Variants in TRABD observed in about 807,000 individuals in gnomAD.
TRABD encodes traB domain-containing protein.
Under a neutral mutation model 39.6 loss-of-function variants are expected in TRABD, and 23 were observed. The observed-to-expected ratio is 0.58, with a 90% CI of 0.42 to 0.82. The LOEUF (loss-of-function observed/expected upper bound fraction) is 0.82, where lower values mean the gene tolerates loss of function less well. Ranked by LOEUF, TRABD falls within the 40% of genes least tolerant of loss-of-function variation. The pLI is 0.00. For missense variants in TRABD, 487 were observed against 544.9 expected (o/e 0.89, Z 1.06); for synonymous variants, 243 against 232.1 (o/e 1.05, Z -0.43).
intron 5 of TRABD, 81 bp from the exon 6 acceptor site, chr22:50,197,160 C>T: frequency 7.2e-7 from 1 of 1,388,994 alleles, no homozygotes; most frequent in Non-Finnish European, 1.0e-6. Context: ...GCTGGTGCTG[C>T]CTGCCATCCC....
chr22:50,194,692 G>A (rs1323412487), intron 4 of TRABD, among the ~76,000 whole-genome samples, 186 bp downstream of exon 4: 3 of 152,236 alleles, frequency 2.0e-5, no homozygotes, highest in South Asian at 2.1e-4. Flanking sequence ...GGCCTTGTGC[G>A]TTTTCCCACT....
At chr22:50,186,953 G>C (rs913400867) in intron 1 of TRABD, among the ~76,000 whole-genome samples, 10 of 152,248 alleles carry the variant, frequency 6.6e-5, no homozygotes, top group African/African-American at 2.2e-4. Flanking sequence ...TCCCTGCGGG[G>C]ACTCCCGCAG....
intron 1 of TRABD, among the ~76,000 whole-genome samples, chr22:50,189,535 GC>G (rs1299796214): frequency 6.6e-6 from 1 of 152,250 alleles, no homozygotes; most frequent in Non-Finnish European, 1.5e-5. Flanking sequence ...AAGGCCAGAA[GC>G]CACTGCGAGG....
Position 50,194,493 on chromosome 22 carries a change from G to A in TRABD, c.266G>A (p.Arg89Lys), listed in dbSNP as rs1251293548. 6.3e-7 allele frequency: 1 copy of A among 1,580,902 alleles called. No individual in the cohort carries two copies. The highest frequency in any genetic ancestry group is 8.6e-7 in the Non-Finnish European group (1 of 1,163,914). Residue 89 changes from arginine (R) to lysine (K), a missense_variant, in exon 4 of 10, where the codon AGG (arginine) becomes AAG (lysine). Around this residue, in one of 3 missense-constraint regions of TRABD, gnomAD observed 358 missense variants for 414.7 expected, o/e 0.86. Coordinates refer to ENST00000380909, the MANE Select transcript of TRABD (RefSeq NM_001320485.2). ...GTAHFSDDSK[R>K]DVVKTIREVQ... ...GCCCACTTCAGCGACGACAGCAAGA[G>A]GGACGTTGTGAAGGTGAGCGCCGCC...
At chr22:50,192,706 C>T (rs1333231804) in intron 1 of TRABD, among the ~76,000 whole-genome samples, 6 of 152,180 alleles carry the variant, frequency 3.9e-5, no homozygotes, top group Non-Finnish European at 7.4e-5. Context: ...TATGTGTGCC[C>T]GCCGTGCCGC....
rs762531788 is a variant in TRABD at position 50,198,872 on chromosome 22, T to G, written c.*353T>G. 2.7e-5 allele frequency: 15 copies of G among 561,404 alleles called. No homozygotes were observed. The highest frequency in any genetic ancestry group is 4.2e-5 in the Non-Finnish European group (13 of 312,082). The allele number at this position is 561,404 out of a possible 1,614,324, so 34.8% of individuals were successfully genotyped here. A position where few individuals can be genotyped will look rare whatever the true frequency, so the allele number is the denominator to read the frequency against. Reference sequence around the variant, plus strand: ...GGCAGGCGGGGGACAATGGCCACTGTCCCTACCTCACTGTGCCTTCCTGTG... The same window carrying G: ...GGCAGGCGGGGGACAATGGCCACTGGCCCTACCTCACTGTGCCTTCCTGTG... On this transcript the variant is annotated 3_prime_UTR_variant, in exon 10 of 10. Transcript: ENST00000380909. This position sits in a 1 kb window ranked among gnomAD's most constrained non-coding sequence, Gnocchi z 7.9.
chr22:50,187,511 G>A (rs955502036), intron 1 of TRABD, among the ~76,000 whole-genome samples: 1 of 152,222 alleles, frequency 6.6e-6, no homozygotes, highest in Admixed American at 6.5e-5. Context: ...CTAGTGGGTT[G>A]GTTGAGAGAT....
rs766855772 is a variant in TRABD, at chr22:50,199,169, A to C, written c.*650A>C. The C allele has an allele frequency of 1.4e-6, 1 of 717,080 alleles. No homozygotes were observed. The highest frequency in any genetic ancestry group is 1.7e-5 in the African/African-American group (1 of 57,276). 44.4% of individuals were successfully genotyped at this position (717,080 alleles called of 1,614,324 possible). ...ACACCAGCCTTAAATCCAAAGGGAG[A>C]GAATTCGTGTTCTTGGGTCTGTCCC... On this transcript the variant is annotated 3_prime_UTR_variant, in exon 10 of 10. Transcript: ENST00000380909.
intron 5 of TRABD, among the ~76,000 whole-genome samples, chr22:50,196,136 C>T (rs1602459212): frequency 6.6e-6 from 1 of 152,214 alleles, no homozygotes; most frequent in Non-Finnish European, 1.5e-5. Flanking sequence ...TCCGCTTCAC[C>T]TGTCCCCTCC....
At position 50,198,475 on chromosome 22, in the gene TRABD, G is replaced by T; in HGVS notation, c.1087G>T (p.Ala363Ser). Residue 363 changes from alanine to serine, a missense_variant, in exon 10 of 10, where the codon GCG becomes TCG. Ala to Ser is a moderately conservative substitution (Grantham distance 99). Coordinates refer to ENST00000380909, the MANE Select transcript of TRABD (RefSeq NM_001320485.2). The surrounding 1 kb of genome is among the most constrained non-coding windows in gnomAD (Gnocchi z 7.9). ...TASLVLSLPA[A>S]QYCLQRVTEA... ...GAGCCTGGTCCTGTCGCTGCCCGCC[G>T]CGCAGTACTGCCTGCAGAGGGTGAC... The T allele has an allele frequency of 1.3e-6, 2 of 1,593,382 alleles. No individual in the cohort carries two copies. The highest frequency in any genetic ancestry group is 8.5e-7 in the Non-Finnish European group (1 of 1,175,740).
intron 5 of TRABD, among the ~76,000 whole-genome samples, chr22:50,196,429 C>T (rs1260239375): frequency 4.6e-5 from 7 of 152,236 alleles, no homozygotes; most frequent in African/African-American, 1.2e-4. Context: ...GTGTGGCCCC[C>T]GGGGCTTTGC....
chr22:50,192,615 A>G (rs1236285950), intron 1 of TRABD, among the ~76,000 whole-genome samples: 1 of 152,166 alleles, frequency 6.6e-6, no homozygotes, highest in African/African-American at 2.4e-5. Flanking sequence ...CTTTTGTACA[A>G]AGGCCCTGGG....
chr22:50,198,883 C>T lies in TRABD; in HGVS notation c.*364C>T. 1 of 565,864 alleles carries T rather than the reference C, an allele frequency of 1.8e-6. No individual in the cohort carries two copies. The highest frequency in any genetic ancestry group is 2.1e-5 in the South Asian group (1 of 48,102). The allele number at this position is 565,864 out of a possible 1,614,324, so 35.1% of individuals were successfully genotyped here. A position where few individuals can be genotyped will look rare whatever the true frequency, so the allele number is the denominator to read the frequency against. On this transcript the variant is annotated 3_prime_UTR_variant, in exon 10 of 10. Coordinates refer to ENST00000380909, the MANE Select transcript of TRABD (RefSeq NM_001320485.2). This position sits in a 1 kb window ranked among gnomAD's most constrained non-coding sequence, Gnocchi z 7.9. The stretch of plus-strand genomic sequence containing the variant: ...GACAATGGCCACTGTCCCTACCTCA[C>T]TGTGCCTTCCTGTGCTCCGGCCACA...
At position 50,196,659 on chromosome 22, in the gene TRABD, G is replaced by C. The variant is rs754023664; in HGVS notation, c.421-582G>C. Among the ~76,000 whole-genome samples, 24 of 152,284 alleles carry C rather than the reference G, an allele frequency of 1.6e-4. No individual in the cohort carries two copies. The South Asian group carries it at 1.7e-3, about 11-fold the overall frequency. On this transcript the variant is annotated intron_variant, in intron 5 of 9. Coordinates refer to ENST00000380909, the MANE Select transcript of TRABD (RefSeq NM_001320485.2). ...GCACCCAGCGTCTGTGCCAGCTCAA[G>C]GCGGCCCCTTCGCAGAACGAGACTG...
At chr22:50,197,078 C>T in intron 5 of TRABD, 163 bp from the exon 6 acceptor site, 1 of 646,180 alleles carries the variant, frequency 1.5e-6, no homozygotes, top group South Asian at 1.9e-5. Context: ...TGACCCTCTG[C>T]ACGCTAGGGT....
At chr22:50,197,764 G>GCCCCCCCCCCCCCCCCCCCGGC in intron 7 of TRABD, 59 bp from the exon 8 acceptor site, 2 of 1,284,796 alleles carry the variant, frequency 1.6e-6, no homozygotes, top group African/African-American at 1.5e-5. Flanking sequence ...CACAGTGCCA[G>GCCCCCCCCCCCCCCCCCCCGGC]CCCCACCCCC....
intron 5 of TRABD, among the ~76,000 whole-genome samples, chr22:50,195,525 C>T (rs565757144): frequency 7.3e-5 from 11 of 151,592 alleles, no homozygotes; most frequent in African/African-American, 2.7e-4. Flanking sequence ...TGCAGTGGTG[C>T]GATCTTGGCT....
chr22:50,188,276 C>T (rs893765875), intron 1 of TRABD, among the ~76,000 whole-genome samples: 8 of 152,004 alleles, frequency 5.3e-5, no homozygotes, highest in Admixed American at 4.6e-4. Flanking sequence ...AGTGACACTC[C>T]GTCTCAAATA....
intron 1 of TRABD, 133 bp from the exon 2 acceptor site, chr22:50,192,894 T>G: frequency 1.5e-6 from 1 of 676,448 alleles, no homozygotes; most frequent in Non-Finnish European, 2.3e-6. Flanking sequence ...GCAGGAGGCA[T>G]TTGGGGATAT....
Sources: gnomAD v4.1 joint callset for allele counts (sites outside exome capture counted in the v4.1 genomes callset) on GRCh38, gnomAD v4.1.1 for gene constraint, gnomAD v4.1.1 regional missense constraint, Gnocchi (gnomAD v3.1) non-coding constraint, MANE v1.5 for transcripts, NCBI Gene and HGNC (gene_info 2026-07-23, HGNC 2026-07-21) for gene names.